Variants in TBCD observed in about 807,000 individuals in gnomAD.
TBCD encodes tubulin-specific chaperone D.
Under a neutral mutation model 169.3 loss-of-function variants are expected in TBCD, and 105 were observed. The observed-to-expected ratio is 0.62, with a 90% CI of 0.53 to 0.73. The LOEUF (loss-of-function observed/expected upper bound fraction) is 0.73, where lower values mean the gene tolerates loss of function less well. TBCD is among the 30% of genes least tolerant of loss of function. The pLI is 0.00. For missense variants in TBCD, 1,444 were observed against 1,600.1 expected, an observed-to-expected ratio of 0.90 and a Z score of 1.66; for synonymous variants, 700 against 643.9, an observed-to-expected ratio of 1.09 and a Z score of -1.32.
chr17:82,898,537 T>C (rs2059650926), intron 17 of TBCD, among the ~76,000 whole-genome samples: 1 of 152,252 alleles, frequency 6.6e-6, no homozygotes, highest in African/African-American at 2.4e-5. Flanking sequence ...TGTAAACTTT[T>C]TGATGATATT....
chr17:82,884,133 T>G lies in TBCD; in HGVS notation c.1476-12T>G. ...GAATTTCTTTTTAATTAATCCTTTC[T>G]CTTTTTCACAGTGCACTGGTGATTG... is the stretch of plus-strand genomic sequence containing the variant. On this transcript the variant is annotated splice_polypyrimidine_tract_variant and intron_variant, in intron 14 of 38. Transcript: ENST00000355528. The surrounding 1 kb of genome is among the most constrained non-coding windows in gnomAD (Gnocchi z 4.2). 1 of 1,602,890 alleles carries G rather than the reference T, an allele frequency of 6.2e-7. No individual in the cohort carries two copies. The highest frequency in any genetic ancestry group is 8.5e-7 in the Non-Finnish European group (1 of 1,173,908).
chr17:82,772,750 A>G (rs746821095), intron 6 of TBCD, among the ~76,000 whole-genome samples: 6 of 152,118 alleles, frequency 3.9e-5, no homozygotes, highest in Non-Finnish European at 7.3e-5. Context: ...AGGCCCATCG[A>G]CAGGAGTGCA....
chr17:82,756,253 C>T (rs1266268665), intron 2 of TBCD, 38 bp downstream of exon 2: 3 of 1,582,264 alleles, frequency 1.9e-6, no homozygotes, highest in African/African-American at 2.7e-5. Context: ...CATTCAGTTA[C>T]AGATGACCAC....
chr17:82,752,321 T>C lies in TBCD; in HGVS notation c.128T>C (p.Leu43Pro). ...GAGACCCGGGCGCTGCTGGGCCGCC[T>C]GCGGGAGGTGCACGGCGGCGGCGCG... is the stretch of plus-strand genomic sequence containing the variant. ...SAETRALLGR[L>P]REVHGGGAER... Residue 43 changes from leucine to proline, a missense_variant, in exon 1 of 39, where the codon CTG becomes CCG. Leu to Pro is a moderately conservative substitution (Grantham distance 98, BLOSUM62 -3). Transcript: ENST00000355528. The C allele has an allele frequency of 6.8e-7, 1 of 1,473,942 alleles. No individual in the cohort carries two copies. The allele number at this position is 1,473,942 out of a possible 1,614,324, so 91.3% of individuals were successfully genotyped here.
intron 5 of TBCD, among the ~76,000 whole-genome samples, chr17:82,771,993 A>C (rs1370190806): frequency 1.3e-5 from 2 of 152,186 alleles, no homozygotes; most frequent in Non-Finnish European, 2.9e-5. Context: ...TTAAACACTA[A>C]AAATTAAAAA....
At position 82,926,439 on chromosome 17, in the gene TBCD, G is replaced by A. The variant is rs199644299; in HGVS notation, c.2419G>A (p.Glu807Lys). The A allele has an allele frequency of 8.4e-4, 1,362 of 1,613,980 alleles. No homozygotes were observed. The highest frequency in any genetic ancestry group is 1.0e-3 in the Non-Finnish European group (1,209 of 1,179,884). Reference protein sequence around the residue: ...GLRAVTHTSPEDVSFAESRRD... With the variant: ...GLRAVTHTSPKDVSFAESRRD... ...AAGAGCAGTTACCCACACTTCCCCC[G>A]AGGACGTAAGTTTTGCTGAGTCCAG... Residue 807 changes from glutamate (E) to lysine (K), a missense_variant, in exon 28 of 39, where the codon GAG becomes AAG. Transcript: ENST00000355528.
At chr17:82,934,493 A>G (rs1027024394) in intron 34 of TBCD, among the ~76,000 whole-genome samples, 1 of 151,276 alleles carries the variant, frequency 6.6e-6, no homozygotes, top group Non-Finnish European at 1.5e-5. Context: ...TTTTTTTGAG[A>G]TGGAGTTTTG....
chr17:82,874,586 G>A lies in TBCD; in HGVS notation c.1475+4206G>A, dbSNP rs559107077. Among the ~76,000 whole-genome samples, 3 of 152,274 alleles carry A rather than the reference G, an allele frequency of 2.0e-5. No individual in the cohort carries two copies. The highest frequency in any genetic ancestry group is 3.9e-4 in the East Asian group (2 of 5,158). Reference sequence around the variant, plus strand: ...CAGACCCAAGGGTGCCCTTGGAGCCGTGCCCGCCGGCCTGGGTGTCAGGCT... The same window carrying A: ...CAGACCCAAGGGTGCCCTTGGAGCCATGCCCGCCGGCCTGGGTGTCAGGCT... On this transcript the variant is annotated intron_variant, in intron 14 of 38. Transcript: ENST00000355528. This position sits in a 1 kb window ranked among gnomAD's most constrained non-coding sequence, Gnocchi z 5.0.
chr17:82,800,816 G>A, intron 8 of TBCD, 48 bp from the exon 9 acceptor site: 1 of 1,576,550 alleles, frequency 6.3e-7, no homozygotes, highest in African/African-American at 1.4e-5. Context: ...GGTGCAGTCA[G>A]AAGATGCCTG....
chr17:82,915,130 G>T lies in TBCD; in HGVS notation c.2038+3341G>T, dbSNP rs1266352518. ...AAATCTGCGGGTTCACGGGCTACAT[G>T]TGGGAGACGGGGAGGGGCTGCTGGT... On this transcript the variant is annotated intron_variant, in intron 23 of 38. Transcript: ENST00000355528. The surrounding 1 kb of genome is among the most constrained non-coding windows in gnomAD (Gnocchi z 4.3). Among the ~76,000 whole-genome samples, 1 of 152,154 alleles carries T rather than the reference G, an allele frequency of 6.6e-6. No homozygotes were observed. The highest frequency in any genetic ancestry group is 2.4e-5 in the African/African-American group (1 of 41,430).
chr17:82,835,547 C>G lies in TBCD; in HGVS notation c.1318+20613C>G, dbSNP rs1034171624. Among the ~76,000 whole-genome samples, 1 of 152,098 alleles carries G rather than the reference C, an allele frequency of 6.6e-6. No homozygotes were observed. The highest frequency in any genetic ancestry group is 1.5e-5 in the Non-Finnish European group (1 of 68,008). ...AAGAGATTCTCCTGCCTCAGCCTCC[C>G]TAGTAGCTGGGATTACAGGTGCCTA... On this transcript the variant is annotated intron_variant, in intron 13 of 38. Coordinates refer to ENST00000355528, the MANE Select transcript of TBCD (RefSeq NM_005993.5). The surrounding 1 kb of genome is among the most constrained non-coding windows in gnomAD (Gnocchi z 4.5).
At chr17:82,897,967 C>A (rs1279608041) in intron 17 of TBCD, among the ~76,000 whole-genome samples, 1 of 151,222 alleles carries the variant, frequency 6.6e-6, no homozygotes, top group Non-Finnish European at 1.5e-5. Context: ...CACGTCACGG[C>A]TCTGTTCTCC....
At chr17:82,767,118 T>C (rs1028625161) in intron 4 of TBCD, among the ~76,000 whole-genome samples, 1 of 152,182 alleles carries the variant, frequency 6.6e-6, no homozygotes, top group Non-Finnish European at 1.5e-5. Context: ...TCCAGGTCCC[T>C]GGATACCAGC....
At chr17:82,919,879 G>A (rs573319454) in intron 23 of TBCD, among the ~76,000 whole-genome samples, 88 of 152,230 alleles carry the variant, frequency 5.8e-4, no homozygotes, top group Middle Eastern at 3.4e-3. Flanking sequence ...CCTTGTTCAC[G>A]GTGACAAAAA....
chr17:82,937,225 G>A, intron 34 of TBCD, 46 bp from the exon 35 acceptor site: 1 of 1,573,212 alleles, frequency 6.4e-7, no homozygotes, highest in Non-Finnish European at 8.7e-7. Context: ...TGCATCCCGG[G>A]GCTGCCTGTG....
chr17:82,814,211 T>C (rs1365095340), intron 12 of TBCD, among the ~76,000 whole-genome samples: 1 of 152,240 alleles, frequency 6.6e-6, no homozygotes, highest in Non-Finnish European at 1.5e-5. Flanking sequence ...TGGGGTGTCA[T>C]TTAAAGAAGG....
chr17:82,871,816 G>A (rs1417576388), intron 14 of TBCD, among the ~76,000 whole-genome samples: 2 of 152,240 alleles, frequency 1.3e-5, no homozygotes, highest in African/African-American at 4.8e-5. Flanking sequence ...ATCTCGTGGG[G>A]CTTCGTCTTT....
Position 82,880,472 on chromosome 17 carries a change from C to T in TBCD, c.1476-3673C>T, listed in dbSNP as rs1398150042. On this transcript the variant is annotated intron_variant, in intron 14 of 38. Coordinates refer to ENST00000355528, the MANE Select transcript of TBCD (RefSeq NM_005993.5). The surrounding 1 kb of genome is among the most constrained non-coding windows in gnomAD (Gnocchi z 5.0). Reference sequence around the variant, plus strand: ...ATCTTTGGGAGTGGGTATTATTCTGCTGAAGACAAGGGTGGGGACAGATAT... The same window carrying T: ...ATCTTTGGGAGTGGGTATTATTCTGTTGAAGACAAGGGTGGGGACAGATAT... Among the ~76,000 whole-genome samples, 1 of 152,210 alleles carries T rather than the reference C, an allele frequency of 6.6e-6. No individual in the cohort carries two copies. The highest frequency in any genetic ancestry group is 1.5e-5 in the Non-Finnish European group (1 of 68,038).
intron 30 of TBCD, among the ~76,000 whole-genome samples, chr17:82,928,232 C>A (rs567448706): frequency 6.6e-5 from 10 of 152,284 alleles, no homozygotes; most frequent in Admixed American, 5.2e-4. Flanking sequence ...GGCTCTGCTC[C>A]CCAGCCTGGG....
Sources: gnomAD v4.1 joint callset for allele counts (sites outside exome capture counted in the v4.1 genomes callset) on GRCh38, gnomAD v4.1.1 for gene constraint, Gnocchi (gnomAD v3.1) non-coding constraint, MANE v1.5 for transcripts, NCBI Gene and HGNC (gene_info 2026-07-23, HGNC 2026-07-21) for gene names.